GRINA: variants seen among roughly 807,000 people sequenced by gnomAD.
The protein encoded by GRINA is glutamate ionotropic receptor NMDA type subunit associated protein 1.
In GRINA, 26 loss-of-function variants were observed where a neutral mutation model predicts 42.5. The observed-to-expected ratio is 0.61, with a 90% confidence interval of 0.45 to 0.85. The LOEUF (loss-of-function observed/expected upper bound fraction) is 0.85, where lower values mean the gene tolerates loss of function less well. GRINA is among the 40% of genes least tolerant of loss of function. GRINA has a pLI of 0.00. For missense variants in GRINA, 475 were observed against 481.5 expected (o/e 0.99, Z 0.13); for synonymous variants, 256 against 204.2 (o/e 1.25, Z -2.17).
Position 143,992,272 on chromosome 8 carries a change from A to G in GRINA, c.721A>G (p.Met241Val), listed in dbSNP as rs1834112380. 1.9e-6 allele frequency: 3 copies of G among 1,597,626 alleles called. No homozygotes were observed. The highest frequency in any genetic ancestry group is 1.7e-4 in the Middle Eastern group (1 of 5,998). Residue 241 changes from methionine (M) to valine (V), a missense_variant, in exon 5 of 7, where the codon ATG (methionine) becomes GTG (valine). Met to Val is a conservative substitution (Grantham distance 21). Transcript: ENST00000395068. ...LSVLTASLSYMVGMIASFYNT... is the reference protein window; with the variant it reads ...LSVLTASLSYVVGMIASFYNT... ...GGTCCTGACCGCCAGCCTGTCGTAC[A>G]TGGTGGGGATGATCGCCAGCTTCTA...
Position 143,991,462 on chromosome 8 carries a change from C to T in GRINA, c.239C>T (p.Pro80Leu). Residue 80 changes from proline (P) to leucine (L), a missense_variant, in exon 2 of 7, where the codon CCA (proline) becomes CTA (leucine). By Grantham distance (98) the Pro-to-Leu change is moderately conservative. This residue lies in a region of GRINA where 321 missense variants were observed against 267.2 expected (regional missense o/e 1.20). Transcript: ENST00000395068. ...GGTCCCTACCCCCAAGGGGGCTACCCACAGGGCCCCTACCCACAAGAGGGC... is the reference window on the plus strand; with the variant it reads ...GGTCCCTACCCCCAAGGGGGCTACCTACAGGGCCCCTACCCACAAGAGGGC... ...PQGPYPQGGY[P>L]QGPYPQEGYP... is the part of the protein sequence containing the mutation. 1.3e-6 allele frequency: 2 copies of T among 1,495,918 alleles called. No individual in the cohort carries two copies. Among genetic ancestry groups the T allele is most frequent in the Non-Finnish European group, 1.8e-6 (2 of 1,126,160 alleles). 92.7% of individuals were successfully genotyped at this position (1,495,918 alleles called of 1,614,324 possible).
rs9100 is a variant in GRINA at position 143,993,299 on chromosome 8, G to T, written c.*458G>T. ...CCCTCTGGGGACATGCGGAGTGGGG[G>T]TCTTATCCCTGTGCTGAGCCCTGAG... On this transcript the variant is annotated 3_prime_UTR_variant, in exon 7 of 7. Coordinates refer to ENST00000395068, the MANE Select transcript of GRINA (RefSeq NM_001009184.2). The T allele has an allele frequency of 0.42, 80,766 of 191,484 alleles. 18,479 individuals carry two copies. Among genetic ancestry groups the T allele is most frequent in the African/African-American group, 0.59 (25,015 of 42,216 alleles). 11.9% of individuals were successfully genotyped at this position (191,484 alleles called of 1,614,324 possible). A position where few individuals can be genotyped will look rare whatever the true frequency, so the allele number is the denominator to read the frequency against.
In GRINA at chr8:143,990,564, C is replaced by T. The variant is rs1834073609; in HGVS notation, c.-25+365C>T. 1 of 151,410 alleles carries T rather than the reference C, an allele frequency of 6.6e-6. No homozygotes were observed. The highest frequency in any genetic ancestry group is 1.5e-5 in the Non-Finnish European group (1 of 67,972). The allele number at this position is 151,410 out of a possible 1,614,324, so 9.4% of individuals were successfully genotyped here. A position where few individuals can be genotyped will look rare whatever the true frequency, so the allele number is the denominator to read the frequency against. ...TTCCCCGCACGCCCCGTGGTCGCTTCCATCCCCCACACACCCCCGCACCCC... is the reference window on the plus strand; with the variant it reads ...TTCCCCGCACGCCCCGTGGTCGCTTTCATCCCCCACACACCCCCGCACCCC... On this transcript the variant is annotated intron_variant, in intron 1 of 6. Transcript: ENST00000395068. The surrounding 1 kb of genome is among the most constrained non-coding windows in gnomAD (Gnocchi z 5.6).
chr8:143,991,935 A>AT lies in GRINA; in HGVS notation c.550_551insT (p.Thr184IlefsTer227), dbSNP rs1554750576. ...GACCCTGTCCACGGTGTCTGTGTTC[A>AT]CTTTTGTTGCGGAGGTGAAGGGCTT... is the stretch of plus-strand genomic sequence containing the variant. On this transcript the variant is annotated frameshift_variant, in exon 4 of 7. Coordinates refer to ENST00000395068, the MANE Select transcript of GRINA (RefSeq NM_001009184.2). LOFTEE classifies it high-confidence loss of function. 1 of 1,613,662 alleles carries AT rather than the reference A, an allele frequency of 6.2e-7. No individual in the cohort carries two copies.
chr8:143,992,057 C>A lies in GRINA; in HGVS notation c.672C>A (p.His224Gln). The change falls in exon 4 of 7, where the codon CAC becomes CAA. Residue 224 changes from histidine to glutamine, a missense_variant. Transcript: ENST00000395068. ...LSCCGDFRRK[H>Q]PWNLVALSVL... Reference sequence around the variant, plus strand: ...GTTGTGGGGACTTCCGGCGAAAGCACCCCTGGAACCTTGTTGCACTGGTAA... The same window carrying A: ...GTTGTGGGGACTTCCGGCGAAAGCAACCCTGGAACCTTGTTGCACTGGTAA... 3 of 1,613,960 alleles carry A rather than the reference C, an allele frequency of 1.9e-6. No individual in the cohort carries two copies. Among genetic ancestry groups the A allele is most frequent in the Middle Eastern group, 1.6e-4 (1 of 6,062 alleles).
In GRINA at chr8:143,991,868, C is replaced by G; in HGVS notation, c.493-10C>G. The G allele has an allele frequency of 5.0e-6, 8 of 1,610,672 alleles. No homozygotes were observed. Among genetic ancestry groups the G allele is most frequent in the Non-Finnish European group, 6.8e-6 (8 of 1,177,714 alleles). On this transcript the variant is annotated splice_polypyrimidine_tract_variant and intron_variant, in intron 3 of 6. Coordinates refer to ENST00000395068, the MANE Select transcript of GRINA (RefSeq NM_001009184.2). The stretch of plus-strand genomic sequence containing the variant: ...TCCCAGCGGATGACTCTGAGCGGCT[C>G]CTTCCCCAGGTGTTCCTAGTGCTGA...
Position 143,993,036 on chromosome 8 carries a change from C to T in GRINA, c.*195C>T. 1.7e-6 allele frequency: 1 copy of T among 584,814 alleles called. No homozygotes were observed. 36.2% of individuals were successfully genotyped at this position (584,814 alleles called of 1,614,324 possible). A position where few individuals can be genotyped will look rare whatever the true frequency, so the allele number is the denominator to read the frequency against. On this transcript the variant is annotated 3_prime_UTR_variant, in exon 7 of 7. Transcript: ENST00000395068. ...GGACCCGCTGTGGCCACAGCATGGC[C>T]CCTTTAGTCCTCCCGCCCCCGCCAA...
intron 1 of GRINA, 31 bp from the exon 2 acceptor site, chr8:143,991,169 T>A: frequency 7.6e-7 from 1 of 1,310,850 alleles, no homozygotes; most frequent in Non-Finnish European, 1.0e-6. Context: ...TCAAGCCAAC[T>A]GTTCCACTGT....
chr8:143,991,345 C>T lies in GRINA; in HGVS notation c.122C>T (p.Pro41Leu). The change falls in exon 2 of 7, where the codon CCT becomes CTT. Residue 41 changes from proline to leucine, a missense_variant. By Grantham distance (98) the Pro-to-Leu change is moderately conservative (BLOSUM62 -3). Transcript: ENST00000395068. ...PYAQPPYPGA[P>L]YPQPPFQPSP... ...GCTCAGCCTCCCTACCCTGGGGCCCCTTACCCACAGCCCCCTTTCCAGCCC... is the reference window on the plus strand; with the variant it reads ...GCTCAGCCTCCCTACCCTGGGGCCCTTTACCCACAGCCCCCTTTCCAGCCC... 1 of 1,357,286 alleles carries T rather than the reference C, an allele frequency of 7.4e-7. No homozygotes were observed. The highest frequency in any genetic ancestry group is 1.0e-6 in the Non-Finnish European group (1 of 994,666). 84.1% of individuals were successfully genotyped at this position (1,357,286 alleles called of 1,614,324 possible).
chr8:143,991,420 A>G lies in GRINA; in HGVS notation c.197A>G (p.Gln66Arg). The change falls in exon 2 of 7, where the codon CAA becomes CGA. Residue 66 changes from glutamine (Q) to arginine (R), a missense_variant. By Grantham distance (43) the Gln-to-Arg change is conservative. Coordinates refer to ENST00000395068, the MANE Select transcript of GRINA (RefSeq NM_001009184.2). ...CCCCATGGCCCCAGCCCCTACCCCC[A>G]AGGGGGCTACCCACAGGGTCCCTAC... is the stretch of plus-strand genomic sequence containing the variant. Reference protein sequence around the residue: ...GYPHGPSPYPQGGYPQGPYPQ... With the variant: ...GYPHGPSPYPRGGYPQGPYPQ... 1 of 1,355,124 alleles carries G rather than the reference A, an allele frequency of 7.4e-7. No homozygotes were observed. The allele number at this position is 1,355,124 out of a possible 1,614,324, so 83.9% of individuals were successfully genotyped here.
chr8:143,992,366 C>G lies in GRINA; in HGVS notation c.815C>G (p.Ser272Cys). The G allele has an allele frequency of 6.2e-7, 1 of 1,602,094 alleles. No individual in the cohort carries two copies. The highest frequency in any genetic ancestry group is 8.5e-7 in the Non-Finnish European group (1 of 1,172,098). Residue 272 changes from serine (S) to cysteine (C), a missense_variant, in exon 5 of 7, where the codon TCC (serine) becomes TGC (cysteine). Physicochemically the swap from Ser to Cys is moderately radical, Grantham distance 112 (BLOSUM62 -1). Coordinates refer to ENST00000395068, the MANE Select transcript of GRINA (RefSeq NM_001009184.2). ...TAVCFTVVIF[S>C]MQTRYDFTSC... is the part of the protein sequence containing the mutation. Reference sequence around the variant, plus strand: ...GTCTGCTTCACCGTCGTCATCTTCTCCATGCAGGTGAGGGGCCTCCCGTGG... The same window carrying G: ...GTCTGCTTCACCGTCGTCATCTTCTGCATGCAGGTGAGGGGCCTCCCGTGG...
rs782243017 is a variant in GRINA at position 143,991,777 on chromosome 8, G to A, written c.465G>A (p.Lys155=). 8 of 1,613,398 alleles carry A rather than the reference G, an allele frequency of 5.0e-6. No homozygotes were observed. In the South Asian group the frequency reaches 8.8e-5, roughly 18 times the overall value. ...QDFPATNWDD[K]SIRQAFIRKV... ...TCCCTGCCACCAACTGGGATGACAA[G>A]AGCATCCGACAGGCCTTCATCCGCA... Residue 155 remains lysine, a synonymous_variant, in exon 3 of 7, where the codon AAG becomes AAA. Transcript: ENST00000395068.
chr8:143,991,501 C>T lies in GRINA; in HGVS notation c.278C>T (p.Pro93Leu). 6.5e-7 allele frequency: 1 copy of T among 1,539,322 alleles called. No homozygotes were observed. Among genetic ancestry groups the T allele is most frequent in the Non-Finnish European group, 8.7e-7 (1 of 1,148,288 alleles). ...PYPQEGYPQG[P>L]YPQGGYPQGP... The stretch of plus-strand genomic sequence containing the variant: ...CCACAAGAGGGCTACCCACAGGGCC[C>T]CTACCCCCAAGGGGGCTACCCCCAG... Residue 93 changes from proline to leucine, a missense_variant, in exon 2 of 7, where the codon CCC (proline) becomes CTC (leucine). Coordinates refer to ENST00000395068, the MANE Select transcript of GRINA (RefSeq NM_001009184.2).
At position 143,992,967 on chromosome 8, in the gene GRINA, C is replaced by T. The variant is rs1389292741; in HGVS notation, c.*126C>T. 6 of 757,454 alleles carry T rather than the reference C, an allele frequency of 7.9e-6. No individual in the cohort carries two copies. Among genetic ancestry groups the T allele is most frequent in the Non-Finnish European group, 6.4e-6 (3 of 467,928 alleles). The allele number at this position is 757,454 out of a possible 1,614,324, so 46.9% of individuals were successfully genotyped here. A position where few individuals can be genotyped will look rare whatever the true frequency, so the allele number is the denominator to read the frequency against. On this transcript the variant is annotated 3_prime_UTR_variant, in exon 7 of 7. Transcript: ENST00000395068. The stretch of plus-strand genomic sequence containing the variant: ...AGGCACAGCCTAGGGAAAAGGATGC[C>T]TCTCTCCAACCCTCCTGTATGTACA...
chr8:143,992,387 CGTGGCTGGGCT>C lies in GRINA; in HGVS notation c.822+20_822+30del, dbSNP rs1834114979. On this transcript the variant is annotated intron_variant, in intron 5 of 6. Coordinates refer to ENST00000395068, the MANE Select transcript of GRINA (RefSeq NM_001009184.2). ...TTCTCCATGCAGGTGAGGGGCCTCC[CGTGGCTGGGCT>C]GTGGCCGCAGGGGCTGAGCAGCTTT... 3 of 1,607,898 alleles carry C rather than the reference CGTGGCTGGGCT, an allele frequency of 1.9e-6. No homozygotes were observed. Among genetic ancestry groups the C allele is most frequent in the Non-Finnish European group, 2.6e-6 (3 of 1,175,628 alleles).
chr8:143,992,885 C>T lies in GRINA; in HGVS notation c.*44C>T. The T allele has an allele frequency of 6.3e-7, 1 of 1,582,778 alleles. No homozygotes were observed. Among genetic ancestry groups the T allele is most frequent in the Middle Eastern group, 1.7e-4 (1 of 5,966 alleles). On this transcript the variant is annotated 3_prime_UTR_variant, in exon 7 of 7. Coordinates refer to ENST00000395068, the MANE Select transcript of GRINA (RefSeq NM_001009184.2). ...TGCCCGCTCAGGTGGCACGGCTGGC[C>T]TGGACCCTGCCCCTGGCACGGCAGT...
chr8:143,992,901 G>C lies in GRINA; in HGVS notation c.*60G>C. The C allele has an allele frequency of 6.9e-7, 1 of 1,458,834 alleles. No homozygotes were observed. Among genetic ancestry groups the C allele is most frequent in the Non-Finnish European group, 9.4e-7 (1 of 1,060,218 alleles). The allele number at this position is 1,458,834 out of a possible 1,614,324, so 90.4% of individuals were successfully genotyped here. On this transcript the variant is annotated 3_prime_UTR_variant, in exon 7 of 7. Coordinates refer to ENST00000395068, the MANE Select transcript of GRINA (RefSeq NM_001009184.2). ...ACGGCTGGCCTGGACCCTGCCCCTG[G>C]CACGGCAGTGCCAGCTGTACTTCCC...
In GRINA at chr8:143,991,795, C is replaced by T; in HGVS notation, c.483C>T (p.Phe161=). Residue 161 remains phenylalanine (F), a synonymous_variant, in exon 3 of 7, where the codon TTC becomes TTT. Transcript: ENST00000395068. ...NWDDKSIRQA[F]IRKVFLVLTL... is the part of the protein sequence containing the mutation. ...ATGACAAGAGCATCCGACAGGCCTTCATCCGCAAGGTGGGTAGGGGCATCT... is the reference window on the plus strand; with the variant it reads ...ATGACAAGAGCATCCGACAGGCCTTTATCCGCAAGGTGGGTAGGGGCATCT... 2.5e-6 allele frequency: 4 copies of T among 1,612,818 alleles called. No individual in the cohort carries two copies. Among genetic ancestry groups the T allele is most frequent in the Non-Finnish European group, 3.4e-6 (4 of 1,178,842 alleles).
rs201654173 is a variant in GRINA at position 143,992,286 on chromosome 8, C to A, written c.735C>A (p.Ile245=). 18 of 1,593,658 alleles carry A rather than the reference C, an allele frequency of 1.1e-5. No homozygotes were observed. The highest frequency in any genetic ancestry group is 1.5e-5 in the Non-Finnish European group (18 of 1,168,100). Residue 245 remains isoleucine, a synonymous_variant, in exon 5 of 7, where the codon ATC becomes ATA. Coordinates refer to ENST00000395068, the MANE Select transcript of GRINA (RefSeq NM_001009184.2). ...GCCTGTCGTACATGGTGGGGATGAT[C>A]GCCAGCTTCTACAACACCGAGGCAG... The part of the protein sequence containing the change: ...TASLSYMVGM[I]ASFYNTEAVI...
Sources: allele counts gnomAD v4.1 joint callset, GRCh38; gene constraint gnomAD v4.1.1; regional missense constraint gnomAD v4.1.1; non-coding constraint Gnocchi (gnomAD v3.1); transcripts MANE v1.5; gene names NCBI Gene and HGNC (gene_info 2026-07-23, HGNC 2026-07-21).